WBP2NL: variants seen among roughly 807,000 people sequenced by gnomAD.
The protein encoded by WBP2NL is postacrosomal sheath WW domain-binding protein.
In WBP2NL, 27 loss-of-function variants were observed where a neutral mutation model predicts 23.3. The ratio of observed to expected loss-of-function variants is 1.16; its 90% CI spans 0.85 to 1.60. The LOEUF is 1.60. Among genes scored for constraint, WBP2NL ranks in the 40% most tolerant of loss-of-function variants. WBP2NL has a pLI of 0.00. For missense variants in WBP2NL, 370 were observed against 389.5 expected (o/e 0.95, Z 0.42); for synonymous variants, 151 against 145.9 (o/e 1.03, Z -0.25).
In WBP2NL at chr22:42,020,868, GTATATATATATATATATA is replaced by G. The variant is rs1335645142; in HGVS notation, c.406+796_406+813del. Among the ~76,000 whole-genome samples, 14 of 15,236 alleles carry G rather than the reference GTATATATATATATATATA, an allele frequency of 9.2e-4. No homozygotes were observed. In the South Asian group the frequency reaches 0.02, roughly 22 times the overall value. 10.0% of individuals were successfully genotyped at this position (15,236 alleles called of 152,430 possible). On this transcript the variant is annotated intron_variant, in intron 4 of 5. Transcript: ENST00000328823. The stretch of plus-strand genomic sequence containing the variant: ...ATCTCATATATGTGTGTGTGTGTGT[GTATATATATATATATATA>G]TATATATATATATATATATATATTT...
chr22:42,015,811 A>ATGTATG (rs1448046823), intron 1 of WBP2NL, among the ~76,000 whole-genome samples: 1 of 152,130 alleles, frequency 6.6e-6, no homozygotes, highest in East Asian at 1.9e-4. Flanking sequence ...AGCCCTGGAC[A>ATGTATG]TGTATGTGTA....
At chr22:42,039,752 G>C (rs1022989841) in intron 8 of WBP2NL, among the ~76,000 whole-genome samples, 4 of 151,742 alleles carry the variant, frequency 2.6e-5, no homozygotes, top group Admixed American at 6.6e-5. Flanking sequence ...CTAGCTAAAG[G>C]CTTGATGATT....
intron 1 of WBP2NL, among the ~76,000 whole-genome samples, chr22:42,017,527 A>G (rs1028239323): frequency 1.3e-5 from 2 of 152,170 alleles, no homozygotes; most frequent in African/African-American, 4.8e-5. Flanking sequence ...GTTTGTTACT[A>G]ATAAATGTAT....
At chr22:42,008,541 G>A (rs140824160) in intron 1 of WBP2NL, among the ~76,000 whole-genome samples, 30 of 151,980 alleles carry the variant, frequency 2.0e-4, no homozygotes, top group African/African-American at 7.2e-4. Context: ...ATCCTAATGG[G>A]TATAAAGTGA....
intron 1 of WBP2NL, among the ~76,000 whole-genome samples, chr22:42,007,569 C>G (rs1353940844): frequency 1.3e-5 from 2 of 152,140 alleles, no homozygotes; most frequent in African/African-American, 4.8e-5. Flanking sequence ...ATCCCTCTCC[C>G]CATGACACCT....
Position 42,019,989 on chromosome 22 carries a change from C to T in WBP2NL, c.314-15C>T, listed in dbSNP as rs1385571316. The T allele has an allele frequency of 1.2e-5, 20 of 1,611,966 alleles. No individual in the cohort carries two copies. The highest frequency in any genetic ancestry group is 1.7e-5 in the Non-Finnish European group (20 of 1,178,594). On this transcript the variant is annotated splice_polypyrimidine_tract_variant and intron_variant, in intron 3 of 5. Coordinates refer to ENST00000328823, the MANE Select transcript of WBP2NL (RefSeq NM_152613.3). ...TGCCAGTTTCTTGGTGAGTGTGTGC[C>T]ATTTCTTCCCCCAGGTGGCTGGGAA...
intron 8 of WBP2NL, among the ~76,000 whole-genome samples, chr22:42,049,705 C>CAAAAAAAAAAAAAA (rs1158837575): frequency 2.1e-4 from 8 of 37,480 alleles, no homozygotes; most frequent in Non-Finnish European, 3.4e-4. Flanking sequence ...CAAAACAAAA[C>CAAAAAAAAAAAAAA]AAAAAAAAAA....
chr22:42,004,354 G>A (rs1270936864), intron 1 of WBP2NL, among the ~76,000 whole-genome samples: 1 of 152,218 alleles, frequency 6.6e-6, no homozygotes, highest in Non-Finnish European at 1.5e-5. Flanking sequence ...AGAACTTTGG[G>A]AGGCTGAGGT....
chr22:42,024,308 A>G (rs1157090381), intron 5 of WBP2NL, among the ~76,000 whole-genome samples: 4 of 152,220 alleles, frequency 2.6e-5, no homozygotes, highest in African/African-American at 9.6e-5. Context: ...GCATTTGTAT[A>G]TAATTTTCTA....
At chr22:42,012,176 AT>A (rs558966827) in intron 1 of WBP2NL, among the ~76,000 whole-genome samples, 48 of 151,876 alleles carry the variant, frequency 3.2e-4, no homozygotes, top group Non-Finnish European at 6.0e-4. Context: ...TTGAACTTAA[AT>A]TTTTTTTCTT....
intron 8 of WBP2NL, among the ~76,000 whole-genome samples, chr22:42,048,018 G>A (rs1447372603): frequency 1.3e-5 from 2 of 151,982 alleles, no homozygotes; most frequent in Non-Finnish European, 2.9e-5. Flanking sequence ...ATTAATAAAC[G>A]GAATCCAAGA....
intron 8 of WBP2NL, among the ~76,000 whole-genome samples, chr22:42,056,325 T>C (rs1459457582): frequency 6.6e-6 from 1 of 152,220 alleles, no homozygotes; most frequent in Non-Finnish European, 1.5e-5. Context: ...TATGCTGTTA[T>C]TGTTACAAAT....
chr22:42,053,259 A>G (rs534083100), intron 8 of WBP2NL, among the ~76,000 whole-genome samples: 26 of 152,288 alleles, frequency 1.7e-4, no homozygotes, highest in Non-Finnish European at 3.2e-4. Context: ...CTTTTTGGCT[A>G]TTATGAATAA....
intron 8 of WBP2NL, among the ~76,000 whole-genome samples, chr22:42,039,440 G>C (rs1022533436): frequency 6.7e-6 from 1 of 150,130 alleles, no homozygotes; most frequent in Non-Finnish European, 1.5e-5. Context: ...CAATCCTCCT[G>C]GCTCAGCGTT....
intron 8 of WBP2NL, among the ~76,000 whole-genome samples, chr22:42,043,016 G>GAAAAAA (rs59812729): frequency 3.6e-5 from 2 of 55,386 alleles, no homozygotes; most frequent in Non-Finnish European, 4.1e-5. Context: ...AGTGAGCCAA[G>GAAAAAA]AAAAAAAAAA....
intron 8 of WBP2NL, among the ~76,000 whole-genome samples, chr22:42,045,003 T>C (rs1005054920): frequency 2.0e-5 from 3 of 151,922 alleles, no homozygotes; most frequent in Non-Finnish European, 4.4e-5. Flanking sequence ...TTATTTTTTA[T>C]TTTTTTAAGA....
chr22:42,008,353 G>A (rs1292367095), intron 1 of WBP2NL, among the ~76,000 whole-genome samples: 5 of 151,638 alleles, frequency 3.3e-5, no homozygotes, highest in African/African-American at 1.2e-4. Context: ...AGGATTACAA[G>A]CATATGCCAC....
At chr22:42,040,618 G>A (rs889581053) in intron 8 of WBP2NL, among the ~76,000 whole-genome samples, 3 of 152,182 alleles carry the variant, frequency 2.0e-5, no homozygotes, top group Non-Finnish European at 2.9e-5. Context: ...TAGAAAGTTA[G>A]AATTTTATTT....
intron 1 of WBP2NL, among the ~76,000 whole-genome samples, chr22:42,016,726 A>G (rs374168617): frequency 6.6e-6 from 1 of 152,280 alleles, no homozygotes; most frequent in African/African-American, 2.4e-5. Flanking sequence ...CTGTATTTTC[A>G]TAGTCTTTTA....
Sources: gnomAD v4.1 joint callset for allele counts (sites outside exome capture counted in the v4.1 genomes callset) on GRCh38, gnomAD v4.1.1 for gene constraint, MANE v1.5 for transcripts, NCBI Gene and HGNC (gene_info 2026-07-23, HGNC 2026-07-21) for gene names.